Variants in PLAAT3 observed in about 807,000 individuals in gnomAD.
The protein encoded by PLAAT3 is Ca-independent phospholipase A1/2.
Under a neutral mutation model 16.7 loss-of-function variants are expected in PLAAT3, and 21 were observed. That is an observed-to-expected ratio of 1.26 (90% CI 0.89 to 1.81). The LOEUF (loss-of-function observed/expected upper bound fraction) is 1.81, where lower values mean the gene tolerates loss of function less well. PLAAT3 is among the 40% of genes most tolerant of loss of function. PLAAT3 has a pLI of 0.00. For synonymous variants in PLAAT3, 76 were observed against 81.7 expected (o/e 0.93, Z 0.38); for missense variants, 219 against 213.7 (o/e 1.02, Z -0.16).
At chr11:63,587,364 G>C (rs1938008699) in intron 4 of PLAAT3, among the ~76,000 whole-genome samples, 2 of 151,774 alleles carry the variant, frequency 1.3e-5, no homozygotes, top group Admixed American at 1.3e-4. Flanking sequence ...AATCAGAACA[G>C]CTTCAGACTT....
chr11:63,608,956 C>T (rs2134432527), intron 2 of PLAAT3, among the ~76,000 whole-genome samples: 1 of 152,260 alleles, frequency 6.6e-6, no homozygotes, highest in Non-Finnish European at 1.5e-5. Context: ...TGAGGATGAA[C>T]AGAGTTAATA....
chr11:63,609,556 C>T (rs183073723), intron 2 of PLAAT3, among the ~76,000 whole-genome samples: 4 of 152,194 alleles, frequency 2.6e-5, no homozygotes, highest in Admixed American at 1.3e-4. Flanking sequence ...CTTATGCCTA[C>T]GAGAGGGTTG....
In PLAAT3 at chr11:63,574,604, C is replaced by T. The variant is rs1340189721; in HGVS notation, c.*341G>A. The T allele has an allele frequency of 1.8e-5, 4 of 220,544 alleles. No individual in the cohort carries two copies. Among genetic ancestry groups the T allele is most frequent in the Non-Finnish European group, 3.6e-5 (4 of 111,066 alleles). The allele number at this position is 220,544 out of a possible 1,614,324, so 13.7% of individuals were successfully genotyped here. ...GTATTATGTCTTTCTGTCTCCCTTC[C>T]GCCCCGCATGTATCCTGACGACCAG... On this transcript the variant is annotated 3_prime_UTR_variant, in exon 5 of 5. Coordinates refer to ENST00000415826, the MANE Select transcript of PLAAT3 (RefSeq NM_001128203.2).
intron 2 of PLAAT3, among the ~76,000 whole-genome samples, chr11:63,604,678 G>T (rs139447330): frequency 6.6e-6 from 1 of 151,906 alleles, no homozygotes; most frequent in Non-Finnish European, 1.5e-5. Flanking sequence ...CTGGAGAATC[G>T]CTTGAACCTG....
At chr11:63,605,354 C>T (rs1435127206) in intron 2 of PLAAT3, among the ~76,000 whole-genome samples, 3 of 151,968 alleles carry the variant, frequency 2.0e-5, no homozygotes, top group African/African-American at 4.8e-5. Flanking sequence ...GCCAAGATCA[C>T]GCCATTGTAC....
intron 2 of PLAAT3, among the ~76,000 whole-genome samples, chr11:63,612,018 A>G (rs538208830): frequency 6.6e-6 from 1 of 152,304 alleles, no homozygotes; most frequent in East Asian, 1.9e-4. Flanking sequence ...CATGCCTGTA[A>G]TCCCAGCTAC....
intron 3 of PLAAT3, among the ~76,000 whole-genome samples, chr11:63,596,982 G>C (rs916817219): frequency 5.9e-5 from 9 of 151,876 alleles, no homozygotes; most frequent in Non-Finnish European, 1.0e-4. Context: ...TGTAATCCCA[G>C]CTACTCGGGA....
At position 63,598,045 on chromosome 11, in the gene PLAAT3, TC is replaced by T; in HGVS notation, c.118+15del. 6.5e-7 allele frequency: 1 copy of T among 1,529,376 alleles called. No individual in the cohort carries two copies. Among genetic ancestry groups the T allele is most frequent in the Non-Finnish European group, 9.1e-7 (1 of 1,102,610 alleles). 94.7% of individuals were successfully genotyped at this position (1,529,376 alleles called of 1,614,324 possible). On this transcript the variant is annotated intron_variant, in intron 3 of 4. Transcript: ENST00000415826. ...CCCCTGGGGCCCATCACAGTGGAGG[TC>T]CCATGTGTTCTTACTTGGAGGGGCC... is the stretch of plus-strand genomic sequence containing the variant.
intron 3 of PLAAT3, among the ~76,000 whole-genome samples, chr11:63,594,351 T>C (rs981611879): frequency 1.4e-4 from 21 of 151,994 alleles, no homozygotes; most frequent in Non-Finnish European, 3.1e-4. Context: ...TCATCTGAGC[T>C]CGATTTAGGG....
At position 63,584,664 on chromosome 11, in the gene PLAAT3, C is replaced by T. The variant is rs530043965; in HGVS notation, c.387+5436G>A. 7.2e-5 allele frequency among the ~76,000 whole-genome samples: 11 copies of T among 152,032 alleles called. No homozygotes were observed. The East Asian group carries it at 1.7e-3, about 24-fold the overall frequency. Reference sequence around the variant, plus strand: ...AAGTAGCTGCGACTACAGGCCACCACGCCCAGCTAATTTTGTTTTGTATTT... The same window carrying T: ...AAGTAGCTGCGACTACAGGCCACCATGCCCAGCTAATTTTGTTTTGTATTT... On this transcript the variant is annotated intron_variant, in intron 4 of 4. Coordinates refer to ENST00000415826, the MANE Select transcript of PLAAT3 (RefSeq NM_001128203.2).
At chr11:63,594,220 G>T (rs1938225946) in intron 3 of PLAAT3, among the ~76,000 whole-genome samples, 2 of 152,206 alleles carry the variant, frequency 1.3e-5, no homozygotes, top group South Asian at 4.1e-4. Flanking sequence ...CACCCAAGTG[G>T]AGTTACCAAG....
Position 63,589,462 on chromosome 11 carries a change from G to A in PLAAT3, c.387+638C>T, listed in dbSNP as rs139612738. 1.7e-3 allele frequency among the ~76,000 whole-genome samples: 251 copies of A among 146,374 alleles called. 1 individual carries two copies. The highest frequency in any genetic ancestry group is 7.1e-3 in the Middle Eastern group (2 of 280). On this transcript the variant is annotated intron_variant, in intron 4 of 4. Transcript: ENST00000415826. ...AGTGGCTGAAAGGGAGGGGGAAGAA[G>A]TGCAAGGAAATGAGAAGAGAAAAAG...
intron 4 of PLAAT3, among the ~76,000 whole-genome samples, chr11:63,579,809 A>C (rs1259627373): frequency 6.6e-6 from 1 of 150,466 alleles, no homozygotes. Flanking sequence ...CCAACATGGC[A>C]CATGTATACA....
At chr11:63,580,321 T>C (rs2134393256) in intron 4 of PLAAT3, among the ~76,000 whole-genome samples, 1 of 152,342 alleles carries the variant, frequency 6.6e-6, no homozygotes, top group East Asian at 1.9e-4. Flanking sequence ...GAATTAAGCT[T>C]ACAAATGGAG....
intron 4 of PLAAT3, among the ~76,000 whole-genome samples, chr11:63,589,681 G>C (rs1297370567): frequency 2.6e-5 from 4 of 152,154 alleles, no homozygotes; most frequent in African/African-American, 9.7e-5. Flanking sequence ...GGAAAAGACA[G>C]GTACCAGGTC....
upstream of PLAAT3, among the ~76,000 whole-genome samples, chr11:63,615,096 A>ATGTGTGTATATG (rs1200287076): frequency 8.4e-6 from 1 of 119,308 alleles, no homozygotes; most frequent in Non-Finnish European, 1.8e-5. Flanking sequence ...ATGTGTATAT[A>ATGTGTGTATATG]TGTGTATATA....
intron 3 of PLAAT3, among the ~76,000 whole-genome samples, chr11:63,590,790 C>T (rs1282313489): frequency 6.6e-6 from 1 of 152,170 alleles, no homozygotes; most frequent in Admixed American, 6.5e-5. Flanking sequence ...GCTGGGTTTT[C>T]CAGAGTCCCA....
At chr11:63,598,426 C>A (rs1485797919) in intron 2 of PLAAT3, among the ~76,000 whole-genome samples, 1 of 152,230 alleles carries the variant, frequency 6.6e-6, no homozygotes, top group Non-Finnish European at 1.5e-5. Context: ...GGAGTCTCTG[C>A]CTTATTATTT....
chr11:63,610,453 C>A (rs1565257788), intron 2 of PLAAT3, among the ~76,000 whole-genome samples: 1 of 152,224 alleles, frequency 6.6e-6, no homozygotes, highest in African/African-American at 2.4e-5. Context: ...TCACCATTAT[C>A]CAGCCTGGCA....
Sources: gnomAD v4.1 joint callset for allele counts (sites outside exome capture counted in the v4.1 genomes callset) on GRCh38, gnomAD v4.1.1 for gene constraint, MANE v1.5 for transcripts, NCBI Gene and HGNC (gene_info 2026-07-23, HGNC 2026-07-21) for gene names.